The following SPICE1 variants were observed in gnomAD, a reference collection of about 807,000 sequenced individuals.
SPICE1 encodes the protein spindle and centriole-associated protein 1.
SPICE1 carries 75 observed loss-of-function variants against 102.7 expected under a neutral mutation model. The observed-to-expected ratio is 0.73, with a 90% confidence interval of 0.61 to 0.88. SPICE1 has a LOEUF of 0.88. Among genes scored for constraint, SPICE1 ranks in the 40% least tolerant of loss-of-function variants. SPICE1 has a pLI of 0.00. For missense variants in SPICE1, 979 were observed against 1,020.1 expected, an observed-to-expected ratio of 0.96 and a Z score of 0.55; for synonymous variants, 308 against 350.3, an observed-to-expected ratio of 0.88 and a Z score of 1.35.
Position 113,450,186 on chromosome 3 carries a change from C to G in SPICE1, c.2323+150G>C, listed in dbSNP as rs574444089. ...TCTAATCCCATTTCTGTCACTTATC[C>G]TGTGAGTTAGGGCTATTTCTTTCTG... On this transcript the variant is annotated intron_variant, in intron 15 of 17. Coordinates refer to ENST00000295872, the MANE Select transcript of SPICE1 (RefSeq NM_144718.4). 13 of 731,062 alleles carry G rather than the reference C, an allele frequency of 1.8e-5. No individual in the cohort carries two copies. The African/African-American group carries it at 2.1e-4, about 12-fold the overall frequency. 45.3% of individuals were successfully genotyped at this position (731,062 alleles called of 1,614,324 possible). A position where few individuals can be genotyped will look rare whatever the true frequency, so the allele number is the denominator to read the frequency against.
intron 4 of SPICE1, among the ~76,000 whole-genome samples, chr3:113,496,138 C>T (rs1936880319): frequency 8.3e-6 from 1 of 119,970 alleles, no homozygotes; most frequent in Non-Finnish European, 1.6e-5. Flanking sequence ...CAAGACAATT[C>T]TTCTTCTTCC....
chr3:113,507,858 C>G (rs869343), intron 1 of SPICE1, among the ~76,000 whole-genome samples: 5 of 151,916 alleles, frequency 3.3e-5, no homozygotes, highest in African/African-American at 4.8e-5. Context: ...ATTTTACAAA[C>G]GAGAAAACTG....
intron 3 of SPICE1, among the ~76,000 whole-genome samples, chr3:113,501,058 T>C (rs6769516): frequency 0.21 from 31,816 of 152,084 alleles, 3,586 homozygotes; most frequent in African/African-American, 0.29. Context: ...GGCATAAGGA[T>C]TGACATATAA....
intron 1 of SPICE1, among the ~76,000 whole-genome samples, chr3:113,512,405 C>CTTTTTTTT (rs34015506): frequency 1.9e-5 from 2 of 104,410 alleles, no homozygotes; most frequent in African/African-American, 3.7e-5. Flanking sequence ...GAAAAGCTTT[C>CTTTTTTTT]TTTTTTTTTT....
chr3:113,494,199 G>T (rs1311662130), intron 4 of SPICE1, 57 bp from the exon 5 acceptor site: 4 of 1,281,608 alleles, frequency 3.1e-6, no homozygotes, highest in Non-Finnish European at 3.3e-6. Flanking sequence ...TTTTCAAATC[G>T]CAAAGGAAAA....
intron 4 of SPICE1, chr3:113,498,825 G>C (rs1936952063): frequency 6.6e-6 from 1 of 152,188 alleles, no homozygotes; most frequent in African/African-American, 2.4e-5. Flanking sequence ...ATTTGCTGTA[G>C]TTTCCTCTTA....
intron 10 of SPICE1, among the ~76,000 whole-genome samples, chr3:113,467,289 C>T (rs1936081134): frequency 1.3e-5 from 2 of 152,096 alleles, no homozygotes; most frequent in South Asian, 4.2e-4. Flanking sequence ...ACAAACAATT[C>T]TTTTTTTATT....
intron 7 of SPICE1, among the ~76,000 whole-genome samples, chr3:113,476,597 A>G (rs1238013845): frequency 1.4e-5 from 2 of 146,236 alleles, no homozygotes; most frequent in Non-Finnish European, 3.0e-5. Flanking sequence ...ATATAGATCA[A>G]TGGAACAGAA....
In SPICE1 at chr3:113,471,406, T is replaced by C. The variant is rs555806498; in HGVS notation, c.612-2168A>G. ...ATGATGTGAAGACAAGAGGCAGAGA[T>C]TGGTGTGCTGCAGCCACAATTTCAG... On this transcript the variant is annotated intron_variant, in intron 7 of 17. Transcript: ENST00000295872. Among the ~76,000 whole-genome samples, 4 of 152,276 alleles carry C rather than the reference T, an allele frequency of 2.6e-5. No homozygotes were observed. In the East Asian group the frequency reaches 7.7e-4, roughly 29 times the overall value.
At chr3:113,450,184 T>C (rs1420878158) in intron 15 of SPICE1, 152 bp downstream of exon 15, 1 of 718,118 alleles carries the variant, frequency 1.4e-6, no homozygotes, top group East Asian at 2.7e-5. Context: ...CTGTCACTTA[T>C]CCTGTGAGTT....
chr3:113,497,600 A>G (rs1003130533), intron 4 of SPICE1, among the ~76,000 whole-genome samples: 2 of 151,680 alleles, frequency 1.3e-5, no homozygotes, highest in African/African-American at 2.4e-5. Context: ...AAACACCTAC[A>G]TGGGGCCACA....
chr3:113,469,668 CTA>C (rs1470834442), intron 7 of SPICE1, among the ~76,000 whole-genome samples: 2 of 151,832 alleles, frequency 1.3e-5, no homozygotes, highest in Non-Finnish European at 2.9e-5. Flanking sequence ...AGAAAAAACA[CTA>C]TTCACTATAA....
At chr3:113,507,585 C>A (rs867105650) in intron 1 of SPICE1, among the ~76,000 whole-genome samples, 1 of 151,830 alleles carries the variant, frequency 6.6e-6, no homozygotes, top group African/African-American at 2.4e-5. Flanking sequence ...TGTACTCTCT[C>A]TTAACAAGAA....
Position 113,506,550 on chromosome 3 carries a change from G to C in SPICE1, c.56C>G (p.Pro19Arg), listed in dbSNP as rs147842972. 97 of 1,612,448 alleles carry C rather than the reference G, an allele frequency of 6.0e-5. No individual in the cohort carries two copies. The African/African-American group carries it at 1.1e-3, about 19-fold the overall frequency. ...TGAAGTTTTCTTCTTCTTTACTTTC[G>C]GTGTCTTTCTTACACCAACTCGGGG... ...CGPRVGVRKT[P>R]KVKKKKTSVK... The change falls in exon 2 of 18, where the codon CCG (proline) becomes CGG (arginine). Residue 19 changes from proline (P) to arginine (R), a missense_variant. Coordinates refer to ENST00000295872, the MANE Select transcript of SPICE1 (RefSeq NM_144718.4).
At chr3:113,489,151 G>A in intron 6 of SPICE1, 88 bp from the exon 7 acceptor site, 1 of 766,508 alleles carries the variant, frequency 1.3e-6, no homozygotes, top group Non-Finnish European at 2.2e-6. Flanking sequence ...ACAGAAGAGA[G>A]TTCCCTCCTC....
intron 11 of SPICE1, among the ~76,000 whole-genome samples, chr3:113,461,499 G>A (rs911696536): frequency 1.3e-5 from 2 of 152,074 alleles, no homozygotes; most frequent in African/African-American, 4.8e-5. Context: ...AAGGTTAGAT[G>A]AATTTGTTTT....
intron 1 of SPICE1, among the ~76,000 whole-genome samples, chr3:113,508,938 T>A (rs1218613753): frequency 6.6e-6 from 1 of 152,222 alleles, no homozygotes; most frequent in Admixed American, 6.5e-5. Flanking sequence ...AGCAATGGTG[T>A]ACTGATACAT....
At chr3:113,482,862 T>G (rs1438279603) in intron 7 of SPICE1, among the ~76,000 whole-genome samples, 3 of 152,220 alleles carry the variant, frequency 2.0e-5, no homozygotes, top group Admixed American at 2.0e-4. Flanking sequence ...TTGTTCTTTT[T>G]GCTTAGGATT....
intron 12 of SPICE1, 130 bp from the exon 13 acceptor site, chr3:113,457,487 T>C: frequency 3.4e-6 from 3 of 872,790 alleles, no homozygotes; most frequent in Non-Finnish European, 3.5e-6. Context: ...TCCTGGAGCC[T>C]TCACTTTCTA....
Sources: gnomAD v4.1 joint callset for allele counts (sites outside exome capture counted in the v4.1 genomes callset) on GRCh38, gnomAD v4.1.1 for gene constraint, MANE v1.5 for transcripts, NCBI Gene and HGNC (gene_info 2026-07-23, HGNC 2026-07-21) for gene names.